ANKS1B: variants seen among roughly 807,000 people sequenced by gnomAD.
The protein encoded by ANKS1B is ankyrin repeat and sterile alpha motif domain containing 1B, also known as ankyrin repeat and sterile alpha motif domain-containing protein 1B.
A neutral mutation model predicts 148.3 loss-of-function variants in ANKS1B; 36 were observed. The observed-to-expected ratio is 0.24, with a 90% confidence interval of 0.19 to 0.32. The LOEUF (loss-of-function observed/expected upper bound fraction) is 0.32. Among genes scored for constraint, ANKS1B ranks in the 10% least tolerant of loss-of-function variants. The pLI, the probability that ANKS1B is intolerant of heterozygous loss-of-function variation, is 1.00. For missense variants in ANKS1B, 1,157 were observed against 1,542.6 expected (o/e 0.75, Z 4.19); for synonymous variants, 542 against 560.8 (o/e 0.97, Z 0.47).
rs940561828 is a variant in ANKS1B at position 99,407,549 on chromosome 12, C to G, written c.1576-7738G>C. Among the ~76,000 whole-genome samples the G allele has an allele frequency of 5.6e-4, 81 of 145,498 alleles. 9 individuals are homozygous for G. Among genetic ancestry groups the G allele is most frequent in the African/African-American group, 2.0e-3 (78 of 38,446 alleles). ...ACAAGAGAAAGAAATAAAGGGCATC[C>G]AAGTTGAAAAGGAAGAATTTGAATT... is the stretch of plus-strand genomic sequence containing the variant. On this transcript the variant is annotated intron_variant, in intron 11 of 26. Transcript: ENST00000683438.
At chr12:99,477,558 G>A (rs2152924979) in intron 10 of ANKS1B, among the ~76,000 whole-genome samples, 1 of 152,194 alleles carries the variant, frequency 6.6e-6, no homozygotes, top group Admixed American at 6.6e-5. Context: ...ATTTCTCTAT[G>A]TCTCAGCTTC....
At chr12:99,013,695 C>T (rs2099940775) in intron 17 of ANKS1B, among the ~76,000 whole-genome samples, 1 of 152,132 alleles carries the variant, frequency 6.6e-6, no homozygotes, top group Non-Finnish European at 1.5e-5. Context: ...GTGCAAAAAT[C>T]ACTAGCATTC....
At chr12:99,252,197 G>T (rs928796039) in intron 12 of ANKS1B, among the ~76,000 whole-genome samples, 1 of 152,226 alleles carries the variant, frequency 6.6e-6, no homozygotes, top group African/African-American at 2.4e-5. Flanking sequence ...TAGGAAAGAA[G>T]ATATGAAAAG....
At chr12:99,119,892 A>G (rs186364065) in intron 15 of ANKS1B, among the ~76,000 whole-genome samples, 1 of 152,376 alleles carries the variant, frequency 6.6e-6, no homozygotes, top group East Asian at 1.9e-4. Context: ...TTCCTATGGT[A>G]TATTTCTGGT....
intron 8 of ANKS1B, among the ~76,000 whole-genome samples, chr12:99,685,575 C>T (rs1485868533): frequency 1.3e-5 from 2 of 152,108 alleles, no homozygotes; most frequent in Non-Finnish European, 2.9e-5. Context: ...AATCCCACTT[C>T]TGGGTATCTA....
intron 26 of ANKS1B, among the ~76,000 whole-genome samples, chr12:98,750,921 C>G (rs2098071620): frequency 6.6e-6 from 1 of 152,232 alleles, no homozygotes. Flanking sequence ...CCAGCTTCCT[C>G]TAGCTGGGGA....
intron 1 of ANKS1B, among the ~76,000 whole-genome samples, chr12:99,962,085 A>G (rs1211321013): frequency 6.6e-6 from 1 of 151,734 alleles, no homozygotes; most frequent in Non-Finnish European, 1.5e-5. Context: ...TTTTTTTTTA[A>G]TTTTACTTTA....
In ANKS1B at chr12:99,055,262, T is replaced by G. The variant is rs1175098617; in HGVS notation, c.2626-1953A>C. On this transcript the variant is annotated intron_variant, in intron 16 of 26. Coordinates refer to ENST00000683438, the MANE Select transcript of ANKS1B (RefSeq NM_001352186.2). ...CTCTGGCCCCAGGAATCTTCCTGAC[T>G]GCCCCAGTGACATGAAATAAGAAAG... is the stretch of plus-strand genomic sequence containing the variant. Among the ~76,000 whole-genome samples the G allele has an allele frequency of 2.0e-5, 3 of 152,196 alleles. No individual in the cohort carries two copies. In the East Asian group the frequency reaches 5.8e-4, roughly 29 times the overall value.
At chr12:98,834,162 T>C (rs1164283576) in intron 17 of ANKS1B, among the ~76,000 whole-genome samples, 2 of 152,130 alleles carry the variant, frequency 1.3e-5, no homozygotes, top group Non-Finnish European at 2.9e-5. Flanking sequence ...AACCTTCATC[T>C]CCCCAGGCTG....
At chr12:99,719,171 T>C (rs921842696) in intron 8 of ANKS1B, among the ~76,000 whole-genome samples, 1 of 152,158 alleles carries the variant, frequency 6.6e-6, no homozygotes, top group African/African-American at 2.4e-5. Context: ...CTTTAATACT[T>C]TTAGAGGCCC....
Position 99,984,496 on chromosome 12 carries a change from C to T in ANKS1B, c.-259G>A. The T allele has an allele frequency of 2.5e-6, 1 of 407,060 alleles. No individual in the cohort carries two copies. Among genetic ancestry groups the T allele is most frequent in the Non-Finnish European group, 4.5e-6 (1 of 224,122 alleles). 25.2% of individuals were successfully genotyped at this position (407,060 alleles called of 1,614,324 possible). A position where few individuals can be genotyped will look rare whatever the true frequency, so the allele number is the denominator to read the frequency against. On this transcript the variant is annotated 5_prime_UTR_variant, in exon 1 of 27. Transcript: ENST00000683438. ...TGGGAGCCGCGACGCGCCCCCACAG[C>T]CACTCCCCTGAATTCCCAAGGCCTC... is the stretch of plus-strand genomic sequence containing the variant.
intron 1 of ANKS1B, among the ~76,000 whole-genome samples, chr12:99,877,188 A>G (rs1270075405): frequency 1.3e-5 from 2 of 151,956 alleles, no homozygotes; most frequent in African/African-American, 2.4e-5. Flanking sequence ...CTTGCTGATT[A>G]AGGTATTATA....
At chr12:99,646,900 AGGG>A (rs2098374802) in intron 9 of ANKS1B, among the ~76,000 whole-genome samples, 1 of 151,730 alleles carries the variant, frequency 6.6e-6, no homozygotes, top group South Asian at 2.1e-4. Flanking sequence ...TTCCATAGCC[AGGG>A]TATGAATGTC....
chr12:99,419,653 CA>C, intron 11 of ANKS1B, among the ~76,000 whole-genome samples: 1 of 152,040 alleles, frequency 6.6e-6, no homozygotes, highest in Non-Finnish European at 1.5e-5. Context: ...TTTAACTTCT[CA>C]AAGGTCATTC....
Position 98,984,468 on chromosome 12 carries a change from A to C in ANKS1B, c.2778+68689T>G, listed in dbSNP as rs532218009. Among the ~76,000 whole-genome samples the C allele has an allele frequency of 1.3e-5, 2 of 152,192 alleles. 1 individual carries two copies. The highest frequency in any genetic ancestry group is 4.1e-4 in the South Asian group (2 of 4,836). ...TCTCCTTTCACAATTTACTATAAGCAACAAGGAGAAATCAGGCTGTAGCTT... is the reference window on the plus strand; with the variant it reads ...TCTCCTTTCACAATTTACTATAAGCCACAAGGAGAAATCAGGCTGTAGCTT... On this transcript the variant is annotated intron_variant, in intron 17 of 26. Transcript: ENST00000683438.
intron 15 of ANKS1B, among the ~76,000 whole-genome samples, chr12:99,143,626 T>A (rs186696514): frequency 6.6e-6 from 1 of 152,260 alleles, no homozygotes; most frequent in East Asian, 1.9e-4. Context: ...TTTGATGTGG[T>A]GTCTCCTGCA....
At chr12:99,854,550 C>G (rs1029039365) in intron 1 of ANKS1B, among the ~76,000 whole-genome samples, 1 of 152,200 alleles carries the variant, frequency 6.6e-6, no homozygotes, top group African/African-American at 2.4e-5. Flanking sequence ...TCAAAGAACA[C>G]CTGGGAAATT....
At chr12:99,780,320 G>A (rs917646694) in intron 5 of ANKS1B, among the ~76,000 whole-genome samples, 2 of 151,960 alleles carry the variant, frequency 1.3e-5, no homozygotes, top group Non-Finnish European at 2.9e-5. Context: ...CTGTTGCCCA[G>A]GCTGGAGTGC....
chr12:99,073,655 C>A lies in ANKS1B; in HGVS notation c.2625+11270G>T, dbSNP rs1411367036. Reference sequence around the variant, plus strand: ...TCCTGCTGCAACCCTTCCTTCTAGCCTTGAGAAGGGAGTTCAGTGGTCCAT... The same window carrying A: ...TCCTGCTGCAACCCTTCCTTCTAGCATTGAGAAGGGAGTTCAGTGGTCCAT... On this transcript the variant is annotated intron_variant, in intron 16 of 26. Transcript: ENST00000683438. Among the ~76,000 whole-genome samples, 7 of 152,242 alleles carry A rather than the reference C, an allele frequency of 4.6e-5. No homozygotes were observed. The East Asian group carries it at 1.4e-3, about 29-fold the overall frequency.
Sources: gnomAD v4.1 joint callset for allele counts (sites outside exome capture counted in the v4.1 genomes callset) on GRCh38, gnomAD v4.1.1 for gene constraint, MANE v1.5 for transcripts, NCBI Gene and HGNC (gene_info 2026-07-23, HGNC 2026-07-21) for gene names.